Variants in LDB1 observed in about 807,000 individuals in gnomAD.
The protein encoded by LDB1 is LIM domain-binding protein 1.
A neutral mutation model predicts 49.7 loss-of-function variants in LDB1; 6 were observed. The ratio of observed to expected loss-of-function variants is 0.12; its 90% CI spans 0.07 to 0.24. LDB1 has a LOEUF of 0.24. LDB1 is among the 10% of genes least tolerant of loss of function. The pLI, the probability that LDB1 is intolerant of heterozygous loss-of-function variation, is 1.00. For synonymous variants in LDB1, 233 were observed against 202.0 expected (o/e 1.15, Z -1.30); for missense variants, 341 against 561.7 (o/e 0.61, Z 3.97).
upstream of LDB1, among the ~76,000 whole-genome samples, chr10:102,120,722 G>T (rs1216025918): frequency 2.0e-5 from 3 of 152,210 alleles, no homozygotes; most frequent in Non-Finnish European, 4.4e-5. Context: ...GAAGGGGAGG[G>T]CTTGGAGGCG....
intron 3 of LDB1, 42 bp from the exon 4 acceptor site, chr10:102,111,186 G>T (rs374866436): frequency 6.2e-7 from 1 of 1,609,598 alleles, no homozygotes; most frequent in African/African-American, 1.3e-5. Context: ...AGCGGAGCCT[G>T]CCCCCTCCAC....
chr10:102,111,043 C>T, intron 4 of LDB1, 26 bp downstream of exon 4: 1 of 1,613,434 alleles, frequency 6.2e-7, no homozygotes, highest in Non-Finnish European at 8.5e-7. Flanking sequence ...CCCTCCTGCT[C>T]CCAGCCCCTT....
chr10:102,113,665 C>T (rs1217920509), intron 1 of LDB1, among the ~76,000 whole-genome samples: 2 of 152,082 alleles, frequency 1.3e-5, no homozygotes, highest in African/African-American at 2.4e-5. Context: ...GCTTAACCAC[C>T]CCTGCCTCCT....
At chr10:102,121,272 G>C (rs935382746), upstream of LDB1, among the ~76,000 whole-genome samples, 2 of 152,088 alleles carry the variant, frequency 1.3e-5, no homozygotes, top group South Asian at 2.1e-4. Flanking sequence ...CAGCCTTGGT[G>C]CCTTCACCTC....
chr10:102,103,890 C>T (rs982595542), downstream of LDB1, among the ~76,000 whole-genome samples: 1 of 151,848 alleles, frequency 6.6e-6, no homozygotes, highest in African/African-American at 2.4e-5. Flanking sequence ...GGTAAAACCA[C>T]GTCGCTACTA....
intron 6 of LDB1, 57 bp downstream of exon 6, chr10:102,110,472 G>A: frequency 6.5e-7 from 1 of 1,535,198 alleles, no homozygotes; most frequent in South Asian, 1.2e-5. Flanking sequence ...CACTGGGAGA[G>A]AGGATGGGAA....
intron 1 of LDB1, 87 bp downstream of exon 1, chr10:102,119,999 C>G: frequency 1.8e-6 from 2 of 1,097,848 alleles, no homozygotes; most frequent in Non-Finnish European, 2.5e-6. Context: ...TCGACGCCCC[C>G]CACACAAGTT....
chr10:102,105,172 G>A (rs928172197), downstream of LDB1, among the ~76,000 whole-genome samples: 2 of 152,174 alleles, frequency 1.3e-5, no homozygotes, highest in African/African-American at 4.8e-5. Flanking sequence ...ACCCACTGTA[G>A]ATGTTACCTG....
intron 1 of LDB1, chr10:102,114,647 CG>C: frequency 7.5e-6 from 7 of 938,256 alleles, no homozygotes; most frequent in African/African-American, 1.8e-5. Flanking sequence ...GGCCGGGGGC[CG>C]GGGGCCAGGG....
intron 1 of LDB1, among the ~76,000 whole-genome samples, chr10:102,115,618 A>G (rs575841051): frequency 6.6e-6 from 1 of 152,142 alleles, no homozygotes; most frequent in African/African-American, 2.4e-5. Flanking sequence ...ACCACTGAAG[A>G]CAAGTGGGTG....
chr10:102,109,358 G>A lies in LDB1; in HGVS notation c.856+26C>T. Reference sequence around the variant, plus strand: ...GCTTTGGGGAGCGGTGTGAGATCCTGGTAAGAGCAGGTGCAAGGCACTCAC... The same window carrying A: ...GCTTTGGGGAGCGGTGTGAGATCCTAGTAAGAGCAGGTGCAAGGCACTCAC... On this transcript the variant is annotated intron_variant, in intron 9 of 10. Transcript: ENST00000673968. This position sits in a 1 kb window ranked among gnomAD's most constrained non-coding sequence, Gnocchi z 5.8. 6.2e-7 allele frequency: 1 copy of A among 1,613,538 alleles called. No homozygotes were observed.
chr10:102,112,581 C>T (rs948275118), intron 1 of LDB1, among the ~76,000 whole-genome samples: 1 of 152,056 alleles, frequency 6.6e-6, no homozygotes, highest in African/African-American at 2.4e-5. Context: ...ACGGCCACTC[C>T]CTTATCAGCC....
chr10:102,106,528 G>T lies in LDB1; in HGVS notation c.*1565C>A, dbSNP rs2133494035. Among the ~76,000 whole-genome samples, 1 of 80,008 alleles carries T rather than the reference G, an allele frequency of 1.2e-5. No homozygotes were observed. The highest frequency in any genetic ancestry group is 5.0e-4 in the South Asian group (1 of 2,020). 52.5% of individuals were successfully genotyped at this position (80,008 alleles called of 152,430 possible). ...CTCTTTATTGATTGGTACCATACATGACTCAAATGGCCCAAAAAAAAAAAA... is the reference window on the plus strand; with the variant it reads ...CTCTTTATTGATTGGTACCATACATTACTCAAATGGCCCAAAAAAAAAAAA... On this transcript the variant is annotated 3_prime_UTR_variant, in exon 11 of 11. Coordinates refer to ENST00000673968, the MANE Select transcript of LDB1 (RefSeq NM_001113407.3).
rs370714670 is a variant in LDB1, at chr10:102,108,111, C to T, written c.1218G>A (p.Thr406=). The change falls in exon 11 of 11, where the codon ACG becomes ACA. Residue 406 remains threonine (T), a synonymous_variant. Transcript: ENST00000673968. ...SSQESKSENP[T]SQASQ ...GGGCCTTTTACTGGGAGGCCTGTGACGTGGGGTTCTCCGATTTGCTTTCTT... is the reference window on the plus strand; with the variant it reads ...GGGCCTTTTACTGGGAGGCCTGTGATGTGGGGTTCTCCGATTTGCTTTCTT... 31 of 1,613,884 alleles carry T rather than the reference C, an allele frequency of 1.9e-5. No individual in the cohort carries two copies. Among genetic ancestry groups the T allele is most frequent in the African/African-American group, 1.7e-4 (13 of 74,900 alleles).
chr10:102,107,890 C>T lies in LDB1; in HGVS notation c.*203G>A, dbSNP rs1358255766. The T allele has an allele frequency of 2.1e-5, 13 of 608,166 alleles. No homozygotes were observed. The highest frequency in any genetic ancestry group is 3.5e-5 in the Non-Finnish European group (12 of 341,690). The allele number at this position is 608,166 out of a possible 1,614,324, so 37.7% of individuals were successfully genotyped here. ...ATGAGTACCCCCTCCCCCTAAAAGGCTCTGTAGAGGCCAGGCCCAGCCCAG... is the reference window on the plus strand; with the variant it reads ...ATGAGTACCCCCTCCCCCTAAAAGGTTCTGTAGAGGCCAGGCCCAGCCCAG... On this transcript the variant is annotated 3_prime_UTR_variant, in exon 11 of 11. Coordinates refer to ENST00000673968, the MANE Select transcript of LDB1 (RefSeq NM_001113407.3).
intron 1 of LDB1, chr10:102,114,368 G>A (rs899005902): frequency 3.0e-6 from 3 of 986,118 alleles, no homozygotes; most frequent in African/African-American, 3.5e-5. Flanking sequence ...AGGGCCTTCC[G>A]CCCACCCCCA....
intron 1 of LDB1, among the ~76,000 whole-genome samples, chr10:102,115,422 G>A (rs939477449): frequency 6.6e-6 from 1 of 152,190 alleles, no homozygotes; most frequent in Non-Finnish European, 1.5e-5. Context: ...GGGCTCCCCT[G>A]GTGAAATCCT....
At position 102,107,855 on chromosome 10, in the gene LDB1, A is replaced by G; in HGVS notation, c.*238T>C. 1 of 572,330 alleles carries G rather than the reference A, an allele frequency of 1.7e-6. No individual in the cohort carries two copies. Among genetic ancestry groups the G allele is most frequent in the Non-Finnish European group, 3.1e-6 (1 of 319,922 alleles). 35.5% of individuals were successfully genotyped at this position (572,330 alleles called of 1,614,324 possible). ...TGTCTCAGAGGCCCAGGTTCCAAGT[A>G]GGCATCCACATGAGTACCCCCTCCC... is the stretch of plus-strand genomic sequence containing the variant. On this transcript the variant is annotated 3_prime_UTR_variant, in exon 11 of 11. Coordinates refer to ENST00000673968, the MANE Select transcript of LDB1 (RefSeq NM_001113407.3).
chr10:102,105,110 T>TAC (rs3977761), downstream of LDB1, among the ~76,000 whole-genome samples: 2 of 152,250 alleles, frequency 1.3e-5, no homozygotes, highest in African/African-American at 4.8e-5. Flanking sequence ...AGCACATACA[T>TAC]ACACACACAC....
Sources: allele counts gnomAD v4.1 joint callset (sites outside exome capture counted in the v4.1 genomes callset), GRCh38; gene constraint gnomAD v4.1.1; non-coding constraint Gnocchi (gnomAD v3.1); transcripts MANE v1.5; gene names NCBI Gene and HGNC (gene_info 2026-07-23, HGNC 2026-07-21).